The following GPAT3 variants were observed in gnomAD, a reference collection of about 807,000 sequenced individuals.
GPAT3 encodes the protein 1-AGP acyltransferase 9.
Under a neutral mutation model 58.8 loss-of-function variants are expected in GPAT3, and 53 were observed. The ratio of observed to expected loss-of-function variants is 0.90; its 90% CI spans 0.72 to 1.13. GPAT3 has a LOEUF of 1.13. Ranked by LOEUF, GPAT3 falls within the 50% of genes most tolerant of loss-of-function variation. The pLI, the probability that GPAT3 is intolerant of heterozygous loss-of-function variation, is 0.00. For missense variants in GPAT3, 511 were observed against 527.6 expected (o/e 0.97, Z 0.31); for synonymous variants, 197 against 187.4 (o/e 1.05, Z -0.42).
chr4:83,554,896 C>T (rs954841812), intron 2 of GPAT3, among the ~76,000 whole-genome samples: 9 of 151,376 alleles, frequency 5.9e-5, no homozygotes, highest in East Asian at 3.9e-4. Flanking sequence ...CTTTGCCTCC[C>T]GGGTTCAAGT....
In GPAT3 at chr4:83,581,787, G is replaced by A. The variant is rs1331204401; in HGVS notation, c.434G>A (p.Trp145Ter). The A allele has an allele frequency of 1.2e-6, 2 of 1,614,154 alleles. No homozygotes were observed. The highest frequency in any genetic ancestry group is 4.5e-5 in the East Asian group (2 of 44,876). The change falls in exon 3 of 12, where the codon TGG becomes TAG. Residue 145 changes from tryptophan to a stop codon, truncating the protein, a stop_gained. Transcript: ENST00000264409. LOFTEE classifies it high-confidence loss of function. ...ATCAGTCTGCGGCTCACTATGGTGT[G>A]GGTGCTGGGCGTCATAGTGCGCTAT... ...QYISLRLTMV[W>*]VLGVIVRYCV...
intron 2 of GPAT3, among the ~76,000 whole-genome samples, chr4:83,555,101 G>A (rs753013235): frequency 6.6e-6 from 1 of 152,134 alleles, no homozygotes; most frequent in Non-Finnish European, 1.5e-5. Context: ...ACTGCGCCTG[G>A]CCTCCTCTTC....
chr4:83,577,066 T>C (rs11734158), intron 2 of GPAT3, among the ~76,000 whole-genome samples: 27,869 of 152,186 alleles, frequency 0.18, 3,213 homozygotes, highest in East Asian at 0.31. Flanking sequence ...GCACTGAGAA[T>C]ACCACATTCC....
intron 3 of GPAT3, among the ~76,000 whole-genome samples, chr4:83,584,100 C>G (rs1274345718): frequency 6.6e-6 from 1 of 152,180 alleles, no homozygotes; most frequent in African/African-American, 2.4e-5. Flanking sequence ...GCTTGAGATG[C>G]CCTTGTTTGT....
Position 83,561,304 on chromosome 4 carries a change from C to T in GPAT3, c.208+16702C>T, listed in dbSNP as rs187823260. 1.4e-3 allele frequency among the ~76,000 whole-genome samples: 219 copies of T among 152,058 alleles called. 1 individual carries two copies. Among genetic ancestry groups the T allele is most frequent in the African/African-American group, 5.2e-3 (216 of 41,496 alleles). ...ATTAATGCCAGAAAGAGATTACAGG[C>T]TTTGGCTATATAACATGCTTGGTAG... On this transcript the variant is annotated intron_variant, in intron 2 of 11. Transcript: ENST00000264409.
chr4:83,544,121 C>T (rs1182666001), intron 1 of GPAT3, among the ~76,000 whole-genome samples: 1 of 152,166 alleles, frequency 6.6e-6, no homozygotes, highest in African/African-American at 2.4e-5. Context: ...TTTAATGTGA[C>T]AGCAACCCTA....
At chr4:83,574,496 T>TAG (rs141440019) in intron 2 of GPAT3, among the ~76,000 whole-genome samples, 1 of 151,918 alleles carries the variant, frequency 6.6e-6, no homozygotes, top group East Asian at 1.9e-4. Context: ...TTGTGTGAGA[T>TAG]AGACAGTTGT....
chr4:83,556,354 C>T lies in GPAT3; in HGVS notation c.208+11752C>T, dbSNP rs569502683. 2.6e-5 allele frequency among the ~76,000 whole-genome samples: 4 copies of T among 152,064 alleles called. No individual in the cohort carries two copies. The East Asian group carries it at 5.8e-4, about 22-fold the overall frequency. ...CTTGACTAAAATACAAAAAAATAGC[C>T]GGATATGGTGGTGCACAGCTGTAAT... On this transcript the variant is annotated intron_variant, in intron 2 of 11. Transcript: ENST00000264409.
intron 6 of GPAT3, among the ~76,000 whole-genome samples, chr4:83,591,923 T>A (rs1332612770): frequency 2.6e-5 from 4 of 152,184 alleles, no homozygotes; most frequent in Non-Finnish European, 4.4e-5. Context: ...CTGTCCATGG[T>A]CTTCTTGCTG....
chr4:83,585,908 C>T (rs1726358782), intron 3 of GPAT3, among the ~76,000 whole-genome samples: 1 of 152,194 alleles, frequency 6.6e-6, no homozygotes, highest in African/African-American at 2.4e-5. Context: ...TAATGCTAAA[C>T]TGCTATGTTA....
intron 5 of GPAT3, among the ~76,000 whole-genome samples, chr4:83,588,943 A>G (rs1223722053): frequency 6.6e-6 from 1 of 152,208 alleles, no homozygotes; most frequent in Non-Finnish European, 1.5e-5. Context: ...TAGATTTAAC[A>G]TCATTTTAAA....
At chr4:83,536,027 G>C, upstream of GPAT3, 1 of 985,502 alleles carries the variant, frequency 1.0e-6, no homozygotes, top group Non-Finnish European at 1.2e-6. Flanking sequence ...AGTACTGCCA[G>C]GGAGCTCCCC....
chr4:83,598,715 AC>A lies in GPAT3; in HGVS notation c.1198del (p.Leu400PhefsTer7), dbSNP rs778639652. The A allele has an allele frequency of 6.8e-7, 1 of 1,469,652 alleles. No individual in the cohort carries two copies. Among genetic ancestry groups the A allele is most frequent in the East Asian group, 2.8e-5 (1 of 36,194 alleles). 91.0% of individuals were successfully genotyped at this position (1,469,652 alleles called of 1,614,324 possible). On this transcript the variant is annotated frameshift_variant, in exon 11 of 12. Coordinates refer to ENST00000264409, the MANE Select transcript of GPAT3 (RefSeq NM_032717.5). LOFTEE classifies it high-confidence loss of function. ...TTGCTATACAAGGAGGCCTGACTGA[AC>A]TTCCCTGGTAAGAGAACTTTCAGAA... Reference protein sequence around the residue: ...AIAIQGGLTELPWDGGLKRAK... With the variant: ...AIAIQGGLTEXPWDGGLKRAK...
chr4:83,603,790 CAAAAAAAAA>C, intron 11 of GPAT3, among the ~76,000 whole-genome samples: 1 of 120,682 alleles, frequency 8.3e-6, no homozygotes, highest in Admixed American at 8.1e-5. Flanking sequence ...AACTCTGTCT[CAAAAAAAAA>C]AAAAAAAAAA....
intron 2 of GPAT3, among the ~76,000 whole-genome samples, chr4:83,562,211 T>TATATATAATATATATATAA (rs55826032): frequency 1.4e-5 from 1 of 73,008 alleles, no homozygotes; most frequent in Non-Finnish European, 2.5e-5. Context: ...TATATATATA[T>TATATATAATATATATATAA]TATATATATA....
At chr4:83,595,014 C>A in intron 7 of GPAT3, 54 bp downstream of exon 7, 2 of 1,497,400 alleles carry the variant, frequency 1.3e-6, no homozygotes, top group Non-Finnish European at 1.9e-6. Context: ...GCTGACCAAT[C>A]TTGGCCTTGC....
chr4:83,563,057 G>A (rs1328625660), intron 2 of GPAT3, among the ~76,000 whole-genome samples: 1 of 152,194 alleles, frequency 6.6e-6, no homozygotes, highest in Admixed American at 6.5e-5. Flanking sequence ...GTAAGATTTG[G>A]AATGAAAGGG....
At chr4:83,591,369 C>T (rs1320060332) in intron 6 of GPAT3, among the ~76,000 whole-genome samples, 1 of 152,122 alleles carries the variant, frequency 6.6e-6, no homozygotes, top group East Asian at 1.9e-4. Flanking sequence ...AGATATATAA[C>T]TCTTGGATAC....
In GPAT3 at chr4:83,584,863, T is replaced by C. The variant is rs114182203; in HGVS notation, c.480-2392T>C. On this transcript the variant is annotated intron_variant, in intron 3 of 11. Transcript: ENST00000264409. The stretch of plus-strand genomic sequence containing the variant: ...CATGTGAATTGTATGTCAATAAAGC[T>C]CTTAAAAAACAGACTGTGGCTGAAA... Among the ~76,000 whole-genome samples the C allele has an allele frequency of 5.3e-3, 809 of 152,316 alleles. 7 individuals are homozygous for C. Among genetic ancestry groups the C allele is most frequent in the African/African-American group, 0.018 (739 of 41,566 alleles).
Sources: gnomAD v4.1 joint callset for allele counts (sites outside exome capture counted in the v4.1 genomes callset) on GRCh38, gnomAD v4.1.1 for gene constraint, MANE v1.5 for transcripts, NCBI Gene and HGNC (gene_info 2026-07-23, HGNC 2026-07-21) for gene names.